Variants in SIPA1L1 observed in about 807,000 individuals in gnomAD.
The protein encoded by SIPA1L1 is signal induced proliferation associated 1 like 1.
In SIPA1L1, 26 loss-of-function variants were observed where a neutral mutation model predicts 162.7. The observed-to-expected ratio is 0.16, with a 90% CI of 0.12 to 0.22. The LOEUF (loss-of-function observed/expected upper bound fraction) is 0.22. Ranked by LOEUF, SIPA1L1 falls within the 10% of genes least tolerant of loss-of-function variation. SIPA1L1 has a pLI of 1.00. For synonymous variants in SIPA1L1, 829 were observed against 837.4 expected, an observed-to-expected ratio of 0.99 and a Z score of 0.17; for missense variants, 1,874 against 2,241.0, an observed-to-expected ratio of 0.84 and a Z score of 3.31.
At chr14:71,553,495 A>T (rs2056064610) in intron 4 of SIPA1L1, among the ~76,000 whole-genome samples, 1 of 152,190 alleles carries the variant, frequency 6.6e-6, no homozygotes, top group African/African-American at 2.4e-5. Context: ...TCCTTACCTC[A>T]GTCAGCCAAA....
chr14:71,461,405 T>C (rs144388333), intron 2 of SIPA1L1, among the ~76,000 whole-genome samples: 231 of 152,272 alleles, frequency 1.5e-3, no homozygotes, highest in Non-Finnish European at 2.5e-3. Flanking sequence ...GCCCATTGGG[T>C]GATGACGGGT....
At chr14:71,460,946 G>T (rs1454608824) in intron 2 of SIPA1L1, among the ~76,000 whole-genome samples, 1 of 152,206 alleles carries the variant, frequency 6.6e-6, no homozygotes, top group Non-Finnish European at 1.5e-5. Context: ...TCAGGATTGG[G>T]AACATGGTAA....
intron 9 of SIPA1L1, 84 bp from the exon 10 acceptor site, chr14:71,661,226 T>G: frequency 7.0e-7 from 1 of 1,438,522 alleles, no homozygotes; most frequent in South Asian, 1.3e-5. Context: ...AATGGATGTT[T>G]TAAATACAGC....
chr14:71,733,876 C>T (rs1371618035), intron 21 of SIPA1L1, 64 bp downstream of exon 21: 1 of 1,525,426 alleles, frequency 6.6e-7, no homozygotes, highest in East Asian at 2.3e-5. Flanking sequence ...AGTCTCCATC[C>T]ACTCTACTTC....
chr14:71,726,660 G>A (rs754268204), intron 19 of SIPA1L1, among the ~76,000 whole-genome samples: 26 of 152,288 alleles, frequency 1.7e-4, no homozygotes, highest in African/African-American at 3.8e-4. Context: ...GTGAGACTCC[G>A]CGAAGAAAGT....
chr14:71,646,086 T>A (rs774303316), intron 7 of SIPA1L1, among the ~76,000 whole-genome samples: 2 of 152,186 alleles, frequency 1.3e-5, no homozygotes, highest in African/African-American at 2.4e-5. Context: ...CACATCTCTT[T>A]CTTCTGGTAC....
chr14:71,544,817 A>C (rs905029202), intron 4 of SIPA1L1, among the ~76,000 whole-genome samples: 4 of 152,186 alleles, frequency 2.6e-5, no homozygotes, highest in African/African-American at 9.6e-5. Context: ...TAAGTCAATT[A>C]TACACTGTCT....
chr14:71,372,585 C>T (rs1375871485), intron 2 of SIPA1L1, among the ~76,000 whole-genome samples: 2 of 152,056 alleles, frequency 1.3e-5, no homozygotes, highest in Admixed American at 1.3e-4. Context: ...ATTTTTCTTC[C>T]TCTTTCAGTA....
At chr14:71,590,992 C>T (rs2035310297) in intron 5 of SIPA1L1, among the ~76,000 whole-genome samples, 1 of 152,108 alleles carries the variant, frequency 6.6e-6, no homozygotes, top group African/African-American at 2.4e-5. Flanking sequence ...TAACCCCTAG[C>T]TGAGAACCCC....
At chr14:71,573,012 G>A (rs1383266389) in intron 4 of SIPA1L1, among the ~76,000 whole-genome samples, 2 of 152,160 alleles carry the variant, frequency 1.3e-5, no homozygotes, top group African/African-American at 4.8e-5. Context: ...CATTTACTAC[G>A]TAAGATTGAC....
At chr14:71,367,292 A>C (rs2140953094) in intron 2 of SIPA1L1, among the ~76,000 whole-genome samples, 1 of 150,414 alleles carries the variant, frequency 6.6e-6, no homozygotes, top group East Asian at 1.9e-4. Flanking sequence ...AAAGCTAATG[A>C]ACATTCATTG....
chr14:71,696,541 G>T (rs1227376224), intron 13 of SIPA1L1, among the ~76,000 whole-genome samples: 2 of 152,192 alleles, frequency 1.3e-5, no homozygotes, highest in Non-Finnish European at 2.9e-5. Context: ...ACCAACTGTT[G>T]TTCAAGTGAT....
chr14:71,606,606 G>A (rs2037541169), intron 5 of SIPA1L1, among the ~76,000 whole-genome samples: 1 of 152,040 alleles, frequency 6.6e-6, no homozygotes, highest in African/African-American at 2.4e-5. Flanking sequence ...TTTGTTTCAG[G>A]GCCTGCAAGG....
intron 2 of SIPA1L1, among the ~76,000 whole-genome samples, chr14:71,470,904 C>G (rs2047400292): frequency 6.6e-6 from 1 of 151,990 alleles, no homozygotes; most frequent in African/African-American, 2.4e-5. Context: ...GTGGCTTGAT[C>G]ACGGCTTGCT....
chr14:71,651,179 A>G (rs1236150729), intron 8 of SIPA1L1, among the ~76,000 whole-genome samples: 1 of 152,222 alleles, frequency 6.6e-6, no homozygotes, highest in Admixed American at 6.5e-5. Context: ...TATTTTGGTT[A>G]GCTGGGACTA....
At chr14:71,338,252 T>G (rs1202265223) in intron 2 of SIPA1L1, among the ~76,000 whole-genome samples, 1 of 152,222 alleles carries the variant, frequency 6.6e-6, no homozygotes, top group Non-Finnish European at 1.5e-5. Flanking sequence ...CAAGGGTGTT[T>G]AGCCTGGAGA....
At chr14:71,639,534 A>G (rs2041495561) in intron 7 of SIPA1L1, among the ~76,000 whole-genome samples, 1 of 152,224 alleles carries the variant, frequency 6.6e-6, no homozygotes, top group African/African-American at 2.4e-5. Context: ...ATTTTTATCA[A>G]AATTCCGCCA....
chr14:71,345,961 G>A (rs1395521454), intron 2 of SIPA1L1, among the ~76,000 whole-genome samples: 1 of 152,092 alleles, frequency 6.6e-6, no homozygotes, highest in Non-Finnish European at 1.5e-5. Flanking sequence ...AGGCTGGAGT[G>A]CAGTGGCACG....
At position 71,588,352 on chromosome 14, in the gene SIPA1L1, C is replaced by A; in HGVS notation, c.480C>A (p.Pro160=). 6.2e-7 allele frequency: 1 copy of A among 1,613,770 alleles called. No individual in the cohort carries two copies. Among genetic ancestry groups the A allele is most frequent in the South Asian group, 1.1e-5 (1 of 91,080 alleles). ...GATTTCTCATGCCTGAAGCCTACCC[C>A]AGCTCCCCCAGAAAAGCTCTTCGCA... is the stretch of plus-strand genomic sequence containing the variant. ...DSRFLMPEAY[P]SSPRKALRRI... Residue 160 remains proline (P), a synonymous_variant, in exon 5 of 24, where the codon CCC becomes CCA. Transcript: ENST00000381232. This position sits in a 1 kb window ranked among gnomAD's most constrained non-coding sequence, Gnocchi z 4.3.
Sources: gnomAD v4.1 joint callset for allele counts (sites outside exome capture counted in the v4.1 genomes callset) on GRCh38, gnomAD v4.1.1 for gene constraint, Gnocchi (gnomAD v3.1) non-coding constraint, MANE v1.5 for transcripts, NCBI Gene and HGNC (gene_info 2026-07-23, HGNC 2026-07-21) for gene names.